Variants in FGGY observed in about 807,000 individuals in gnomAD.
FGGY encodes FGGY carbohydrate kinase domain-containing protein.
A neutral mutation model predicts 71.3 loss-of-function variants in FGGY; 72 were observed. That is an observed-to-expected ratio of 1.01 (90% CI 0.84 to 1.23). The LOEUF (loss-of-function observed/expected upper bound fraction) is 1.23. Ranked by LOEUF, FGGY falls within the 50% of genes most tolerant of loss-of-function variation. The probability of loss-of-function intolerance (pLI) is 0.00; values close to 1 mark genes in which losing one functional copy is unlikely to be tolerated. For missense variants in FGGY, 668 were observed against 682.3 expected (o/e 0.98, Z 0.23); for synonymous variants, 251 against 250.3 (o/e 1.00, Z -0.02).
chr1:59,421,325 T>C (rs1174509568), intron 5 of FGGY, among the ~76,000 whole-genome samples: 1 of 152,216 alleles, frequency 6.6e-6, no homozygotes, highest in African/African-American at 2.4e-5. Flanking sequence ...TTCTTTTTAA[T>C]TATGATATTG....
intron 5 of FGGY, 32 bp downstream of exon 5, chr1:59,378,869 G>A (rs531632937): frequency 5.1e-6 from 8 of 1,558,264 alleles, no homozygotes; most frequent in Non-Finnish European, 3.5e-6. Context: ...TTGTGTTTGC[G>A]TTCTTCCATT....
chr1:59,582,964 G>A (rs954887876), intron 8 of FGGY, among the ~76,000 whole-genome samples: 2 of 145,448 alleles, frequency 1.4e-5, no homozygotes, highest in African/African-American at 5.3e-5. Context: ...ATCCAAAGGA[G>A]TTTACCATTT....
intron 1 of FGGY, among the ~76,000 whole-genome samples, chr1:59,305,481 A>G (rs186712968): frequency 3.3e-5 from 5 of 152,270 alleles, no homozygotes; most frequent in Admixed American, 6.5e-5. Context: ...GGATTTTTGC[A>G]TCTGTGTTCA....
chr1:59,460,737 T>C (rs145846280), intron 6 of FGGY, among the ~76,000 whole-genome samples: 1,804 of 152,348 alleles, frequency 0.012, 33 homozygotes, highest in African/African-American at 0.041. Context: ...TTTGCTGTTC[T>C]GCAGTATTTG....
chr1:59,535,873 G>T lies in FGGY; in HGVS notation c.800-18251G>T, dbSNP rs2095301346. 4.7e-5 allele frequency among the ~76,000 whole-genome samples: 7 copies of T among 147,614 alleles called. No individual in the cohort carries two copies. In the South Asian group the frequency reaches 1.6e-3, roughly 34 times the overall value. ...TTTATAGCACTAAATGCCCACAAGA[G>T]AAAGCAGGAAAGATCCAAAATTGAC... On this transcript the variant is annotated intron_variant, in intron 7 of 15. Coordinates refer to ENST00000303721, the MANE Select transcript of FGGY (RefSeq NM_018291.5).
At chr1:59,456,886 A>G (rs2091753285) in intron 5 of FGGY, 75 bp from the exon 6 acceptor site, 1 of 896,794 alleles carries the variant, frequency 1.1e-6, no homozygotes, top group Admixed American at 1.9e-5. Flanking sequence ...AGATACCTGG[A>G]CGGGTATTTT....
chr1:59,426,631 C>G (rs1381579782), intron 5 of FGGY, among the ~76,000 whole-genome samples: 17 of 152,164 alleles, frequency 1.1e-4, no homozygotes. Flanking sequence ...ACAGGCCTCC[C>G]CTACGTTAAT....
intron 9 of FGGY, among the ~76,000 whole-genome samples, chr1:59,620,847 A>G (rs1354624789): frequency 1.3e-5 from 2 of 152,142 alleles, no homozygotes; most frequent in African/African-American, 2.4e-5. Context: ...TGTGTGTGAT[A>G]TCTACATATG....
At chr1:59,436,699 A>G (rs978475578) in intron 5 of FGGY, among the ~76,000 whole-genome samples, 2 of 152,222 alleles carry the variant, frequency 1.3e-5, no homozygotes, top group Admixed American at 6.5e-5. Flanking sequence ...TTTCTCTGGC[A>G]TAGAGCAACA....
At chr1:59,466,830 G>T (rs1224988662) in intron 6 of FGGY, among the ~76,000 whole-genome samples, 1 of 152,136 alleles carries the variant, frequency 6.6e-6, no homozygotes, top group Non-Finnish European at 1.5e-5. Context: ...CAGTTAGAAT[G>T]GTGATCATTA....
chr1:59,404,944 T>G (rs2062519895), intron 5 of FGGY, among the ~76,000 whole-genome samples: 1 of 152,208 alleles, frequency 6.6e-6, no homozygotes, highest in Non-Finnish European at 1.5e-5. Flanking sequence ...CAGGCTGTTT[T>G]CAGCTGACTT....
intron 7 of FGGY, among the ~76,000 whole-genome samples, chr1:59,523,698 T>C (rs1371694564): frequency 2.0e-5 from 3 of 152,192 alleles, no homozygotes; most frequent in African/African-American, 7.2e-5. Flanking sequence ...ACCTCTAATC[T>C]GTATCTGTGC....
At chr1:59,415,689 C>G (rs886509732) in intron 5 of FGGY, among the ~76,000 whole-genome samples, 3 of 152,208 alleles carry the variant, frequency 2.0e-5, no homozygotes, top group African/African-American at 7.2e-5. Flanking sequence ...GTTTTCTCCA[C>G]CACTAGACTG....
At chr1:59,585,429 C>CCA (rs968624317) in intron 8 of FGGY, among the ~76,000 whole-genome samples, 4 of 152,186 alleles carry the variant, frequency 2.6e-5, no homozygotes, top group African/African-American at 9.7e-5. Flanking sequence ...AAAGGATTCC[C>CCA]TGTTTAATAA....
At chr1:59,751,857 A>G (rs1243649024) in intron 14 of FGGY, among the ~76,000 whole-genome samples, 1 of 152,212 alleles carries the variant, frequency 6.6e-6, no homozygotes, top group African/African-American at 2.4e-5. Context: ...CATTGACTGA[A>G]TCTTTTTTAG....
chr1:59,404,209 G>A (rs2062399674), intron 5 of FGGY, among the ~76,000 whole-genome samples: 1 of 151,958 alleles, frequency 6.6e-6, no homozygotes, highest in Admixed American at 6.6e-5. Context: ...GCCTGTCGGG[G>A]GGCGGGGCCA....
At chr1:59,741,590 G>C (rs928562317) in intron 14 of FGGY, among the ~76,000 whole-genome samples, 5 of 151,628 alleles carry the variant, frequency 3.3e-5, no homozygotes, top group Non-Finnish European at 5.9e-5. Flanking sequence ...GATTGCTTGA[G>C]GCCAGAAATT....
At position 59,507,060 on chromosome 1, in the gene FGGY, C is replaced by T. The variant is rs182299999; in HGVS notation, c.671-5251C>T. Among the ~76,000 whole-genome samples the T allele has an allele frequency of 3.8e-3, 571 of 152,228 alleles. 3 individuals carry two copies. Among genetic ancestry groups the T allele is most frequent in the Non-Finnish European group, 6.7e-3 (459 of 68,008 alleles). Reference sequence around the variant, plus strand: ...GAATGATTCATGAATTGGGCAGGTCCCCAACCAGAATAGGTTCAGAGAGAC... The same window carrying T: ...GAATGATTCATGAATTGGGCAGGTCTCCAACCAGAATAGGTTCAGAGAGAC... On this transcript the variant is annotated intron_variant, in intron 6 of 15. Coordinates refer to ENST00000303721, the MANE Select transcript of FGGY (RefSeq NM_018291.5).
At chr1:59,646,569 T>A (rs1446604055) in intron 11 of FGGY, among the ~76,000 whole-genome samples, 7 of 151,194 alleles carry the variant, frequency 4.6e-5, no homozygotes, top group African/African-American at 1.2e-4. Context: ...ACTGAAAAAA[T>A]ATATATATTT....
Sources: allele counts gnomAD v4.1 joint callset (sites outside exome capture counted in the v4.1 genomes callset), GRCh38; gene constraint gnomAD v4.1.1; transcripts MANE v1.5; gene names NCBI Gene and HGNC (gene_info 2026-07-23, HGNC 2026-07-21).